The following ZNF423 variants were observed in gnomAD, a reference collection of about 807,000 sequenced individuals.
ZNF423 encodes Ebf-associated zinc finger protein.
Under a neutral mutation model 95.8 loss-of-function variants are expected in ZNF423, and 12 were observed. The observed-to-expected ratio is 0.13, with a 90% CI of 0.08 to 0.20. ZNF423 has a LOEUF of 0.20. Ranked by LOEUF, ZNF423 falls within the 10% of genes least tolerant of loss-of-function variation. ZNF423 has a pLI of 1.00. For synonymous variants in ZNF423, 749 were observed against 711.9 expected (o/e 1.05, Z -0.83); for missense variants, 1,316 against 1,737.1 (o/e 0.76, Z 4.31).
At chr16:49,747,432 T>C (rs1243891131) in intron 2 of ZNF423, among the ~76,000 whole-genome samples, 1 of 152,200 alleles carries the variant, frequency 6.6e-6, no homozygotes, top group Non-Finnish European at 1.5e-5. Context: ...TTTATATGTA[T>C]TTCCAGAAAC....
At chr16:49,815,292 C>T (rs1446077655) in intron 1 of ZNF423, among the ~76,000 whole-genome samples, 1 of 152,112 alleles carries the variant, frequency 6.6e-6, no homozygotes, top group East Asian at 1.9e-4. Flanking sequence ...CCAAAAAAAG[C>T]AGCCCCCTAA....
At position 49,661,166 on chromosome 16, in the gene ZNF423, C is replaced by T. The variant is rs901825022; in HGVS notation, c.302-22292G>A. Among the ~76,000 whole-genome samples, 9 of 148,410 alleles carry T rather than the reference C, an allele frequency of 6.1e-5. No homozygotes were observed. The East Asian group carries it at 1.8e-3, about 29-fold the overall frequency. The stretch of plus-strand genomic sequence containing the variant: ...CTGGGACGCAGAGGTTGCAGTAAGC[C>T]GAGATCGCACCATTGCACTCCAGCC... On this transcript the variant is annotated intron_variant, in intron 3 of 7. Coordinates refer to ENST00000563137, the MANE Select transcript of ZNF423 (RefSeq NM_001379286.1).
At chr16:49,536,514 C>T (rs1159669445) in intron 5 of ZNF423, among the ~76,000 whole-genome samples, 3 of 148,852 alleles carry the variant, frequency 2.0e-5, no homozygotes, top group Non-Finnish European at 4.4e-5. Flanking sequence ...ATGATCACAG[C>T]TTAGTGCAGC....
intron 1 of ZNF423, among the ~76,000 whole-genome samples, chr16:49,797,334 C>T (rs1347926973): frequency 1.3e-5 from 2 of 152,180 alleles, no homozygotes; most frequent in Non-Finnish European, 2.9e-5. Flanking sequence ...ATGTGACCCA[C>T]ACTCTGTCTA....
chr16:49,622,956 G>A lies in ZNF423; in HGVS notation c.3601+3214C>T, dbSNP rs573795244. Among the ~76,000 whole-genome samples the A allele has an allele frequency of 4.2e-4, 64 of 152,210 alleles. 1 individual carries two copies. The highest frequency in any genetic ancestry group is 6.8e-3 in the Middle Eastern group (2 of 294). The stretch of plus-strand genomic sequence containing the variant: ...CAGAGACCATGTCCCCTGTACTCCC[G>A]TCACCCACAGAGACCGCTGCAACTC... On this transcript the variant is annotated intron_variant, in intron 5 of 7. Transcript: ENST00000563137.
At chr16:49,653,490 G>A (rs1378960373) in intron 3 of ZNF423, among the ~76,000 whole-genome samples, 2 of 152,150 alleles carry the variant, frequency 1.3e-5, no homozygotes, top group Non-Finnish European at 2.9e-5. Context: ...GATTAGGCAT[G>A]TTTGGATAGC....
At chr16:49,644,813 T>C (rs1973117809) in intron 3 of ZNF423, among the ~76,000 whole-genome samples, 1 of 151,576 alleles carries the variant, frequency 6.6e-6, no homozygotes, top group Non-Finnish European at 1.5e-5. Flanking sequence ...GTCGCCTGGG[T>C]GCATCCCACC....
chr16:49,570,145 A>G (rs1970311801), intron 5 of ZNF423, among the ~76,000 whole-genome samples: 1 of 152,224 alleles, frequency 6.6e-6, no homozygotes, highest in Non-Finnish European at 1.5e-5. Flanking sequence ...CGTGAGATGC[A>G]TTTGGTAGAA....
rs1456818886 is a variant in ZNF423, at chr16:49,853,278, A to G, written c.40+2457T>C. On this transcript the variant is annotated intron_variant, in intron 1 of 7. Transcript: ENST00000563137. ...CACACTCAAGCACACACTTTTGAAT[A>G]TTGCTTAAGAGAAGGGGCGGGGCGG... 5.6e-5 allele frequency among the ~76,000 whole-genome samples: 6 copies of G among 107,774 alleles called. No homozygotes were observed. In the Admixed American group the frequency reaches 8.8e-4, roughly 16 times the overall value. The allele number at this position is 107,774 out of a possible 152,430, so 70.7% of individuals were successfully genotyped here.
intron 5 of ZNF423, among the ~76,000 whole-genome samples, chr16:49,567,280 A>G (rs764793400): frequency 6.6e-6 from 1 of 152,168 alleles, no homozygotes; most frequent in Non-Finnish European, 1.5e-5. Context: ...GTGACCCAGG[A>G]TGGCATTAGC....
intron 1 of ZNF423, among the ~76,000 whole-genome samples, chr16:49,790,416 G>A (rs1282682537): frequency 8.5e-5 from 13 of 152,228 alleles, no homozygotes; most frequent in South Asian, 4.1e-4. Flanking sequence ...ACTGGGTTTC[G>A]TCTTCCTCAA....
intron 5 of ZNF423, among the ~76,000 whole-genome samples, chr16:49,600,274 C>T (rs1055412344): frequency 1.3e-5 from 2 of 151,904 alleles, no homozygotes; most frequent in Admixed American, 6.5e-5. Flanking sequence ...GAGCTGAGAT[C>T]GCGCCACAGC....
intron 3 of ZNF423, among the ~76,000 whole-genome samples, chr16:49,648,745 T>C (rs1973276857): frequency 6.6e-6 from 1 of 152,056 alleles, no homozygotes. Context: ...ACTGCACATA[T>C]TGCTAATATC....
intron 7 of ZNF423, among the ~76,000 whole-genome samples, chr16:49,515,627 G>T (rs543923612): frequency 6.6e-6 from 1 of 152,218 alleles, no homozygotes; most frequent in Admixed American, 6.5e-5. Context: ...AGCCTGGCCC[G>T]CAGCACAGAC....
chr16:49,734,590 G>A (rs761624791), intron 2 of ZNF423, among the ~76,000 whole-genome samples: 6 of 152,168 alleles, frequency 3.9e-5, no homozygotes, highest in Non-Finnish European at 8.8e-5. Context: ...TCCTCCTGGG[G>A]GCTGTCTGCA....
chr16:49,636,068 T>G lies in ZNF423; in HGVS notation c.3108A>C (p.Thr1036=). The G allele has an allele frequency of 1.2e-6, 2 of 1,613,888 alleles. No individual in the cohort carries two copies. Among genetic ancestry groups the G allele is most frequent in the Non-Finnish European group, 1.7e-6 (2 of 1,179,894 alleles). Residue 1036 remains threonine (T), a synonymous_variant, in exon 4 of 8, where the codon ACA becomes ACC. Coordinates refer to ENST00000563137, the MANE Select transcript of ZNF423 (RefSeq NM_001379286.1). This position sits in a 1 kb window ranked among gnomAD's most constrained non-coding sequence, Gnocchi z 8.6. The part of the protein sequence containing the change: ...TGFRCVVCMQ[T]VTSTLELKIH... The stretch of plus-strand genomic sequence containing the variant: ...TCTTGAGCTCAAGCGTGGAAGTGAC[T>G]GTCTGCATGCAGACCACACAGCGGA...
chr16:49,828,976 G>A (rs370353204), intron 1 of ZNF423, among the ~76,000 whole-genome samples: 2 of 152,106 alleles, frequency 1.3e-5, no homozygotes, highest in Non-Finnish European at 2.9e-5. Context: ...CCCTGCTCCC[G>A]CTGGGCCCTC....
rs2151637838 is a variant in ZNF423 at position 49,489,552 on chromosome 16, A to G, written c.*1723T>C. The G allele has an allele frequency of 1.3e-5, 2 of 152,362 alleles. No homozygotes were observed. Among genetic ancestry groups the G allele is most frequent in the Middle Eastern group, 3.4e-3 (1 of 294 alleles). The allele number at this position is 152,362 out of a possible 1,614,324, so 9.4% of individuals were successfully genotyped here. ...AAACTGAAAGCCCCACCCGCGTGAGAACATTACATGAGGTGACAGAAAGAA... is the reference window on the plus strand; with the variant it reads ...AAACTGAAAGCCCCACCCGCGTGAGGACATTACATGAGGTGACAGAAAGAA... On this transcript the variant is annotated 3_prime_UTR_variant, in exon 8 of 8. Transcript: ENST00000563137.
At chr16:49,551,820 A>C (rs1969650798) in intron 5 of ZNF423, among the ~76,000 whole-genome samples, 1 of 152,190 alleles carries the variant, frequency 6.6e-6, no homozygotes, top group Non-Finnish European at 1.5e-5. Context: ...CAAGTGGAAC[A>C]GCCAGGAAGG....
Sources: allele counts gnomAD v4.1 joint callset (sites outside exome capture counted in the v4.1 genomes callset), GRCh38; gene constraint gnomAD v4.1.1; non-coding constraint Gnocchi (gnomAD v3.1); transcripts MANE v1.5; gene names NCBI Gene and HGNC (gene_info 2026-07-23, HGNC 2026-07-21).